Variants in ATOSA observed in about 807,000 individuals in gnomAD.
ATOSA encodes atos homolog A, also known as atos homolog protein A.
chr15:52,675,733 C>T, the ATOSA span, among the ~76,000 whole-genome samples: 68 of 152,102 alleles, frequency 4.5e-4, no homozygotes, highest in African/African-American at 1.6e-3. Context: ...ACGGTGAAAC[C>T]CTGTCTCTAC....
the ATOSA span, chr15:52,605,281 T>C: frequency 0.69 from 966,748 of 1,405,380 alleles, 347,972 homozygotes; most frequent in Non-Finnish European, 0.75. Context: ...AATTGTAATA[T>C]TTAAATACCA....
At chr15:52,602,130 C>T in the ATOSA span, among the ~76,000 whole-genome samples, 1 of 152,120 alleles carries the variant, frequency 6.6e-6, no homozygotes, top group African/African-American at 2.4e-5. Flanking sequence ...TTTTGTGCTT[C>T]ATTCTAGGTG....
the ATOSA span, among the ~76,000 whole-genome samples, chr15:52,703,990 C>T: frequency 1.3e-5 from 2 of 151,730 alleles, no homozygotes; most frequent in East Asian, 3.9e-4. Flanking sequence ...AGGCAAAAAG[C>T]AAAAGAATAT....
At chr15:52,702,779 C>CAAAAAAAAAAAAAAAAAA in the ATOSA span, among the ~76,000 whole-genome samples, 1 of 91,910 alleles carries the variant, frequency 1.1e-5, no homozygotes, top group Non-Finnish European at 2.2e-5. Flanking sequence ...AAAGTGTTTC[C>CAAAAAAAAAAAAAAAAAA]AAAAAAAAAA....
chr15:52,693,533 T>C, the ATOSA span, among the ~76,000 whole-genome samples: 1 of 152,126 alleles, frequency 6.6e-6, no homozygotes, highest in East Asian at 1.9e-4. Context: ...ATATCAACAC[T>C]GGGTAGAAAA....
the ATOSA span, among the ~76,000 whole-genome samples, chr15:52,619,118 A>G: frequency 6.6e-6 from 1 of 152,362 alleles, no homozygotes; most frequent in East Asian, 1.9e-4. Flanking sequence ...AACACATAAA[A>G]TATTACCTAA....
chr15:52,602,496 C>T, the ATOSA span, among the ~76,000 whole-genome samples: 1 of 151,998 alleles, frequency 6.6e-6, no homozygotes, highest in East Asian at 1.9e-4. Context: ...AAAAATAAAT[C>T]CTCACTGCCC....
chr15:52,692,736 T>C, the ATOSA span, among the ~76,000 whole-genome samples: 1 of 152,092 alleles, frequency 6.6e-6, no homozygotes, highest in Admixed American at 6.5e-5. Flanking sequence ...TCAGGCTCAC[T>C]GCAGTCTGGA....
the ATOSA span, among the ~76,000 whole-genome samples, chr15:52,700,520 C>A: frequency 3.9e-5 from 6 of 152,110 alleles, no homozygotes; most frequent in Non-Finnish European, 7.4e-5. Context: ...TTCAGGTTCT[C>A]AACAGGATCC....
At chr15:52,676,119 A>G in the ATOSA span, among the ~76,000 whole-genome samples, 1 of 152,220 alleles carries the variant, frequency 6.6e-6, no homozygotes, top group Non-Finnish European at 1.5e-5. Flanking sequence ...AAAATCTCAA[A>G]CCAGAAGCGT....
At chr15:52,661,219 T>G in the ATOSA span, among the ~76,000 whole-genome samples, 1 of 152,266 alleles carries the variant, frequency 6.6e-6, no homozygotes, top group East Asian at 1.9e-4. Context: ...GTCTACTTAT[T>G]ACCATTCGAC....
the ATOSA span, chr15:52,610,147 G>A: frequency 6.2e-7 from 1 of 1,613,988 alleles, no homozygotes; most frequent in Non-Finnish European, 8.5e-7. Context: ...ACATTGTTCT[G>A]CTTCATTTGG....
the ATOSA span, among the ~76,000 whole-genome samples, chr15:52,655,413 G>A: frequency 6.6e-6 from 1 of 152,040 alleles, no homozygotes; most frequent in Admixed American, 6.6e-5. Context: ...CAAAGACAAC[G>A]ATAAAAGGTT....
the ATOSA span, chr15:52,611,372 T>A: frequency 1.5e-6 from 2 of 1,341,612 alleles, no homozygotes; most frequent in East Asian, 2.4e-5. Context: ...TTGAAGAGCA[T>A]AGGAATACAC....
chr15:52,706,288 G>A, the ATOSA span, among the ~76,000 whole-genome samples: 2 of 152,312 alleles, frequency 1.3e-5, no homozygotes, highest in African/African-American at 4.8e-5. Context: ...AATGAAGGGG[G>A]AGAAAGAACT....
chr15:52,677,368 T>C, the ATOSA span, among the ~76,000 whole-genome samples: 4 of 152,226 alleles, frequency 2.6e-5, no homozygotes, highest in Non-Finnish European at 4.4e-5. Flanking sequence ...AGAAGACTGA[T>C]AAAGAATTAC....
the ATOSA span, among the ~76,000 whole-genome samples, chr15:52,695,090 A>G: frequency 1.3e-5 from 2 of 151,440 alleles, no homozygotes; most frequent in South Asian, 4.2e-4. Context: ...ATGCCTGGCT[A>G]ATTTTTGTGT....
the ATOSA span, chr15:52,613,897 A>G: frequency 6.5e-7 from 1 of 1,549,160 alleles, no homozygotes; most frequent in Non-Finnish European, 8.9e-7. Context: ...AATTTAATGT[A>G]CTCTTAGTAA....
chr15:52,584,731 A>ATT, the ATOSA span: 2 of 1,600,812 alleles, frequency 1.2e-6, no homozygotes. Flanking sequence ...TTTCATATTA[A>ATT]TTTGAAGCAT....
Sources: gnomAD v4.1 joint callset for allele counts (sites outside exome capture counted in the v4.1 genomes callset) on GRCh38, gnomAD v4.1.1 for gene constraint, MANE v1.5 for transcripts, NCBI Gene and HGNC (gene_info 2026-07-23, HGNC 2026-07-21) for gene names.